CCDC15: variants seen among roughly 807,000 people sequenced by gnomAD.
CCDC15 encodes the protein coiled-coil domain-containing protein 15.
CCDC15 carries 105 observed loss-of-function variants against 114.5 expected under a neutral mutation model. The observed-to-expected ratio is 0.92, with a 90% confidence interval of 0.78 to 1.08. CCDC15 has a LOEUF of 1.08. Among genes scored for constraint, CCDC15 ranks in the 50% least tolerant of loss-of-function variants. The pLI, the probability that CCDC15 is intolerant of heterozygous loss-of-function variation, is 0.00. For missense variants in CCDC15, 1,105 were observed against 1,093.6 expected (o/e 1.01, Z -0.15); for synonymous variants, 334 against 377.8 (o/e 0.88, Z 1.34).
At chr11:125,027,577 G>A (rs1948712366) in intron 13 of CCDC15, among the ~76,000 whole-genome samples, 1 of 150,908 alleles carries the variant, frequency 6.6e-6, no homozygotes, top group Non-Finnish European at 1.5e-5. Context: ...CCCGCTTTTT[G>A]ATGGGATTAT....
intron 13 of CCDC15, among the ~76,000 whole-genome samples, chr11:125,022,007 A>G (rs1030583888): frequency 2.0e-5 from 3 of 151,952 alleles, no homozygotes; most frequent in South Asian, 2.1e-4. Flanking sequence ...TCTTCAAGAC[A>G]CTTACTTTAC....
chr11:124,987,223 CA>C lies in CCDC15; in HGVS notation c.998del (p.Gln333ArgfsTer5). 6.5e-7 allele frequency: 1 copy of C among 1,546,938 alleles called. No individual in the cohort carries two copies. The highest frequency in any genetic ancestry group is 8.7e-7 in the Non-Finnish European group (1 of 1,153,650). ...CCTTCAGGATATTCTGCCAGAAGCC[CA>C]GGATTATTTTCTAGAAGCCCAAGGT... Reference protein sequence around the residue: ...EGLQDILPEAQDYFLEAQGDL... With the variant: ...EGLQDILPEAXDYFLEAQGDL... On this transcript the variant is annotated frameshift_variant, in exon 8 of 16. Transcript: ENST00000344762. LOFTEE classifies it high-confidence loss of function.
chr11:124,988,731 T>G (rs1948218423), intron 8 of CCDC15, among the ~76,000 whole-genome samples: 2 of 152,244 alleles, frequency 1.3e-5, no homozygotes, highest in Admixed American at 6.5e-5. Flanking sequence ...CCCTTTGTTG[T>G]CATTTTAACA....
At chr11:125,027,345 C>T (rs11825761) in intron 13 of CCDC15, among the ~76,000 whole-genome samples, 9,560 of 152,252 alleles carry the variant, frequency 0.063, 368 homozygotes, top group African/African-American at 0.1. Flanking sequence ...CACTAGTTTA[C>T]ATTCCCACTA....
At chr11:125,023,606 C>T (rs1948676253) in intron 13 of CCDC15, among the ~76,000 whole-genome samples, 1 of 151,948 alleles carries the variant, frequency 6.6e-6, no homozygotes, top group African/African-American at 2.4e-5. Context: ...CTCATACTCA[C>T]TAGATTGGCT....
chr11:125,018,142 C>T (rs1948640402), intron 13 of CCDC15, among the ~76,000 whole-genome samples: 1 of 152,140 alleles, frequency 6.6e-6, no homozygotes, highest in Non-Finnish European at 1.5e-5. Context: ...CTCAGTGACT[C>T]ACCCAAAGCA....
Position 124,987,410 on chromosome 11 carries a change from C to T in CCDC15, c.1184C>T (p.Ala395Val). The change falls in exon 8 of 16, where the codon GCC becomes GTC. Residue 395 changes from alanine to valine, a missense_variant. Physicochemically the swap from Ala to Val is moderately conservative, Grantham distance 64 (BLOSUM62 0). Transcript: ENST00000344762. ...KTETQGIMLK[A>V]QSIELEEGSI... Reference sequence around the variant, plus strand: ...GAAACTCAGGGTATTATGCTGAAAGCCCAGAGTATTGAGCTAGAAGAAGGG... The same window carrying T: ...GAAACTCAGGGTATTATGCTGAAAGTCCAGAGTATTGAGCTAGAAGAAGGG... 6.2e-7 allele frequency: 1 copy of T among 1,613,970 alleles called. No individual in the cohort carries two copies. Among genetic ancestry groups the T allele is most frequent in the Non-Finnish European group, 8.5e-7 (1 of 1,179,880 alleles).
At chr11:124,963,576 T>C (rs1947713034) in intron 4 of CCDC15, among the ~76,000 whole-genome samples, 2 of 151,692 alleles carry the variant, frequency 1.3e-5, no homozygotes, top group South Asian at 2.1e-4. Context: ...CAAAAATTTT[T>C]TCCCATTCTG....
intron 13 of CCDC15, among the ~76,000 whole-genome samples, chr11:125,013,953 G>A (rs1249520787): frequency 6.6e-6 from 1 of 152,164 alleles, no homozygotes; most frequent in African/African-American, 2.4e-5. Flanking sequence ...GGAGACTCAA[G>A]GGTCTCAAAC....
chr11:125,018,503 G>A (rs886256048), intron 13 of CCDC15, among the ~76,000 whole-genome samples: 2 of 152,008 alleles, frequency 1.3e-5, no homozygotes, highest in African/African-American at 4.8e-5. Flanking sequence ...CGTATATTTA[G>A]TATTACAAGA....
In CCDC15 at chr11:125,040,713, A is replaced by G. The variant is rs1341626219; in HGVS notation, c.*2A>G. 6.2e-7 allele frequency: 1 copy of G among 1,610,526 alleles called. No individual in the cohort carries two copies. The highest frequency in any genetic ancestry group is 8.5e-7 in the Non-Finnish European group (1 of 1,178,230). ...AGGCGGACTTTGAAAAATCTATAATAAGAATCTGAAATTAACTGGTAGTAT... is the reference window on the plus strand; with the variant it reads ...AGGCGGACTTTGAAAAATCTATAATGAGAATCTGAAATTAACTGGTAGTAT... On this transcript the variant is annotated 3_prime_UTR_variant, in exon 16 of 16. Transcript: ENST00000344762.
chr11:125,003,923 T>C lies in CCDC15; in HGVS notation c.2271T>C (p.Phe757=). The C allele has an allele frequency of 6.4e-7, 1 of 1,563,720 alleles. No homozygotes were observed. The highest frequency in any genetic ancestry group is 2.0e-5 in the Admixed American group (1 of 49,164). The stretch of plus-strand genomic sequence containing the variant: ...CTGAATTCCAAGCTCCACTGGCATT[T>C]CAGTCTGACGTGGATAAAGAAGAAG... ...LSTEFQAPLA[F]QSDVDKEEDK... Residue 757 remains phenylalanine, a synonymous_variant, in exon 12 of 16, where the codon TTT becomes TTC. Transcript: ENST00000344762.
intron 8 of CCDC15, among the ~76,000 whole-genome samples, chr11:124,989,323 A>G (rs1948230870): frequency 6.6e-6 from 1 of 152,224 alleles, no homozygotes. Context: ...AGTGTAAAAT[A>G]TTCTGTAAAA....
At chr11:125,011,333 G>A (rs1948592120) in intron 13 of CCDC15, among the ~76,000 whole-genome samples, 1 of 151,632 alleles carries the variant, frequency 6.6e-6, no homozygotes, top group Admixed American at 6.6e-5. Flanking sequence ...CACCTCCCGA[G>A]TTCAAGCGAT....
At position 124,973,203 on chromosome 11, in the gene CCDC15, T is replaced by C. The variant is rs188033284; in HGVS notation, c.517-1893T>C. The stretch of plus-strand genomic sequence containing the variant: ...GGGCCTATAATCAATGTGACTCTAA[T>C]AGAGGTTTGGACTTGATGGGAAATG... On this transcript the variant is annotated intron_variant, in intron 4 of 15. Coordinates refer to ENST00000344762, the MANE Select transcript of CCDC15 (RefSeq NM_025004.3). Among the ~76,000 whole-genome samples, 13 of 152,298 alleles carry C rather than the reference T, an allele frequency of 8.5e-5. No individual in the cohort carries two copies. The East Asian group carries it at 1.2e-3, about 14-fold the overall frequency.
Position 124,988,879 on chromosome 11 carries a change from C to T in CCDC15, c.1908+745C>T, listed in dbSNP as rs192584851. On this transcript the variant is annotated intron_variant, in intron 8 of 15. Coordinates refer to ENST00000344762, the MANE Select transcript of CCDC15 (RefSeq NM_025004.3). ...AGGCTCCACTTCTAATTCTAGTTCT[C>T]TTGCTGTTTCTACCACATTACAATT... 4.7e-4 allele frequency among the ~76,000 whole-genome samples: 72 copies of T among 152,348 alleles called. No individual in the cohort carries two copies. In the East Asian group the frequency reaches 0.013, roughly 28 times the overall value.
chr11:124,959,154 C>T lies in CCDC15; in HGVS notation c.217C>T (p.Leu73=). 6.3e-7 allele frequency: 1 copy of T among 1,583,552 alleles called. No homozygotes were observed. The highest frequency in any genetic ancestry group is 1.8e-5 in the Admixed American group (1 of 54,954). The change falls in exon 3 of 16, where the codon CTA becomes TTA. Residue 73 remains leucine, a synonymous_variant. Transcript: ENST00000344762. ...YLIEEELKEQ[L]RKKQEALKHF... is the part of the protein sequence containing the mutation. Reference sequence around the variant, plus strand: ...AATTGAAGAAGAACTAAAGGAACAGCTAAGAAAAAAACAAGAAGCTTTGAA... The same window carrying T: ...AATTGAAGAAGAACTAAAGGAACAGTTAAGAAAAAAACAAGAAGCTTTGAA...
chr11:125,018,484 T>C (rs2135534431), intron 13 of CCDC15, among the ~76,000 whole-genome samples: 1 of 152,190 alleles, frequency 6.6e-6, no homozygotes, highest in African/African-American at 2.4e-5. Context: ...AAATAGATCA[T>C]TATAATACCG....
rs1430771624 is a variant in CCDC15, at chr11:124,976,410, G to A, written c.631-1068G>A. Among the ~76,000 whole-genome samples the A allele has an allele frequency of 2.0e-5, 3 of 152,094 alleles. No homozygotes were observed. In the East Asian group the frequency reaches 5.8e-4, roughly 29 times the overall value. On this transcript the variant is annotated intron_variant, in intron 5 of 15. Coordinates refer to ENST00000344762, the MANE Select transcript of CCDC15 (RefSeq NM_025004.3). Reference sequence around the variant, plus strand: ...CAAGTGGGCGTGGATATGTGTCCATGTATGGCAACACATCCCACGTGCGTT... The same window carrying A: ...CAAGTGGGCGTGGATATGTGTCCATATATGGCAACACATCCCACGTGCGTT...
Sources: allele counts gnomAD v4.1 joint callset (sites outside exome capture counted in the v4.1 genomes callset), GRCh38; gene constraint gnomAD v4.1.1; transcripts MANE v1.5; gene names NCBI Gene and HGNC (gene_info 2026-07-23, HGNC 2026-07-21).